DENND1B: variants seen among roughly 807,000 people sequenced by gnomAD.
DENND1B encodes the protein DENN domain-containing protein 1B.
Under a neutral mutation model 90.1 loss-of-function variants are expected in DENND1B, and 59 were observed. The observed-to-expected ratio is 0.65, with a 90% confidence interval of 0.53 to 0.81. The LOEUF is 0.81. DENND1B is among the 40% of genes least tolerant of loss of function. DENND1B has a pLI of 0.00. For synonymous variants in DENND1B, 337 were observed against 324.6 expected, an observed-to-expected ratio of 1.04 and a Z score of -0.41; for missense variants, 862 against 912.6, an observed-to-expected ratio of 0.94 and a Z score of 0.71.
intron 3 of DENND1B, chr1:197,688,856 G>A (rs1657540596): frequency 9.5e-6 from 2 of 210,536 alleles, no homozygotes; most frequent in African/African-American, 2.3e-5. Context: ...TAAATGTGGT[G>A]GAATTGACCA....
At chr1:197,770,399 C>G (rs571888648) in intron 2 of DENND1B, among the ~76,000 whole-genome samples, 1 of 151,860 alleles carries the variant, frequency 6.6e-6, no homozygotes, top group East Asian at 1.9e-4. Context: ...ATAACTAGCT[C>G]ATGAAAAGTG....
intron 20 of DENND1B, among the ~76,000 whole-genome samples, chr1:197,514,781 T>C (rs1668283988): frequency 6.6e-6 from 1 of 151,648 alleles, no homozygotes; most frequent in East Asian, 1.9e-4. Context: ...GATTCCTGTG[T>C]CCTTTGACAT....
intron 2 of DENND1B, chr1:197,734,268 T>G (rs570128365): frequency 1.7e-4 from 160 of 921,576 alleles, no homozygotes; most frequent in Non-Finnish European, 1.9e-4. Context: ...ATCTGTAAAT[T>G]TTTTAACCTG....
intron 2 of DENND1B, among the ~76,000 whole-genome samples, chr1:197,732,679 A>C (rs904864925): frequency 5.3e-5 from 8 of 152,212 alleles, no homozygotes; most frequent in Non-Finnish European, 1.2e-4. Context: ...CCAAGTGCAT[A>C]AAACCTTAAT....
chr1:197,591,633 GAC>G (rs1015052309), intron 14 of DENND1B, among the ~76,000 whole-genome samples: 1 of 152,102 alleles, frequency 6.6e-6, no homozygotes, highest in Non-Finnish European at 1.5e-5. Context: ...AATGGAAAGA[GAC>G]AGCATAAATA....
At chr1:197,739,647 T>C (rs1274426601) in intron 2 of DENND1B, among the ~76,000 whole-genome samples, 1 of 152,118 alleles carries the variant, frequency 6.6e-6, no homozygotes, top group Non-Finnish European at 1.5e-5. Context: ...AAAGACAATG[T>C]TAGTTAAAAG....
intron 2 of DENND1B, among the ~76,000 whole-genome samples, chr1:197,765,628 C>T (rs1473860625): frequency 1.3e-5 from 2 of 152,054 alleles, no homozygotes; most frequent in Non-Finnish European, 2.9e-5. Context: ...AAGAAAAAAC[C>T]TGAACAAACT....
chr1:197,728,398 A>G (rs1020146247), intron 2 of DENND1B, among the ~76,000 whole-genome samples: 1 of 152,256 alleles, frequency 6.6e-6, no homozygotes, highest in Non-Finnish European at 1.5e-5. Flanking sequence ...AGATATTCAT[A>G]AGCATAAATG....
intron 18 of DENND1B, among the ~76,000 whole-genome samples, chr1:197,542,180 C>T (rs1392250201): frequency 6.6e-6 from 1 of 152,156 alleles, no homozygotes; most frequent in Non-Finnish European, 1.5e-5. Context: ...AGAAAGATGA[C>T]TCTGAAAACC....
chr1:197,677,457 T>C (rs1451126487), intron 3 of DENND1B, among the ~76,000 whole-genome samples: 1 of 152,162 alleles, frequency 6.6e-6, no homozygotes, highest in Non-Finnish European at 1.5e-5. Flanking sequence ...ATCTACCTAG[T>C]TACCCAAATC....
chr1:197,713,811 TTATATATAATATATTATATATAA>T (rs1660253805), intron 3 of DENND1B, among the ~76,000 whole-genome samples: 1 of 56,120 alleles, frequency 1.8e-5, no homozygotes, highest in African/African-American at 7.9e-5. Context: ...TTATAATATA[TTATATATAATATATTATATATAA>T]TATATTATAT....
rs1319618428 is a variant in DENND1B, at chr1:197,718,297, AG to A, written c.83-3224del. 2.0e-5 allele frequency among the ~76,000 whole-genome samples: 3 copies of A among 151,934 alleles called. No homozygotes were observed. In the East Asian group the frequency reaches 5.8e-4, roughly 29 times the overall value. On this transcript the variant is annotated intron_variant, in intron 2 of 22. Coordinates refer to ENST00000620048, the MANE Select transcript of DENND1B (RefSeq NM_001195215.2). ...CAACATTCACAGAGAGAAACGTCAA[AG>A]GGCAATTTCGTTTTTGTACAAAATA...
chr1:197,535,642 G>T (rs190385857), intron 20 of DENND1B, among the ~76,000 whole-genome samples: 2 of 152,308 alleles, frequency 1.3e-5, no homozygotes, highest in Non-Finnish European at 2.9e-5. Context: ...ATCAGAAACA[G>T]TAGACATCTT....
chr1:197,571,178 C>G (rs1673118894), intron 15 of DENND1B, among the ~76,000 whole-genome samples: 1 of 152,078 alleles, frequency 6.6e-6, no homozygotes, highest in Non-Finnish European at 1.5e-5. Flanking sequence ...TGCCACCTCT[C>G]TCTCCTCTAA....
chr1:197,617,829 T>C (rs1677796937), intron 10 of DENND1B, 70 bp from the exon 11 acceptor site: 2 of 1,013,410 alleles, frequency 2.0e-6, no homozygotes, highest in Non-Finnish European at 3.1e-6. Context: ...ATGTTCAATG[T>C]ATCAACAATG....
chr1:197,573,036 CT>C (rs1443396071), intron 15 of DENND1B, among the ~76,000 whole-genome samples: 2 of 151,824 alleles, frequency 1.3e-5, no homozygotes, highest in Non-Finnish European at 2.9e-5. Flanking sequence ...CTCTTTTTTT[CT>C]TTATTAGTCT....
intron 3 of DENND1B, among the ~76,000 whole-genome samples, chr1:197,694,002 AC>A (rs1658179039): frequency 6.6e-6 from 1 of 151,478 alleles, no homozygotes; most frequent in South Asian, 2.1e-4. Flanking sequence ...ATAATGAAGT[AC>A]CTTCATACCT....
intron 20 of DENND1B, among the ~76,000 whole-genome samples, chr1:197,520,059 G>C (rs1012087753): frequency 1.3e-5 from 2 of 151,824 alleles, no homozygotes; most frequent in African/African-American, 2.4e-5. Flanking sequence ...GGACTTACAG[G>C]TCCTGATAAT....
chr1:197,730,226 T>C (rs1206321187), intron 2 of DENND1B, among the ~76,000 whole-genome samples: 3 of 152,032 alleles, frequency 2.0e-5, no homozygotes, highest in Non-Finnish European at 4.4e-5. Flanking sequence ...TTTTTACAGG[T>C]AGAAAAGACA....
Sources: gnomAD v4.1 joint callset for allele counts (sites outside exome capture counted in the v4.1 genomes callset) on GRCh38, gnomAD v4.1.1 for gene constraint, MANE v1.5 for transcripts, NCBI Gene and HGNC (gene_info 2026-07-23, HGNC 2026-07-21) for gene names.